Variants in CAST observed in about 807,000 individuals in gnomAD.
The protein encoded by CAST is MIR583 host.
CAST carries 76 observed loss-of-function variants against 119.6 expected under a neutral mutation model. That is an observed-to-expected ratio of 0.64 (90% CI 0.53 to 0.77). The LOEUF is 0.77. CAST is among the 30% of genes least tolerant of loss of function. CAST has a pLI of 0.00. For synonymous variants in CAST, 319 were observed against 331.6 expected, an observed-to-expected ratio of 0.96 and a Z score of 0.41; for missense variants, 953 against 946.5, an observed-to-expected ratio of 1.01 and a Z score of -0.09.
At chr5:96,040,174 G>A in the CAST span, among the ~76,000 whole-genome samples, 1 of 152,116 alleles carries the variant, frequency 6.6e-6, no homozygotes, top group Non-Finnish European at 1.5e-5. Flanking sequence ...CTCTCTGTTT[G>A]TCTGTTATTG....
chr5:96,565,740 C>T (rs1175396049), intron 1 of CAST, among the ~76,000 whole-genome samples: 1 of 152,222 alleles, frequency 6.6e-6, no homozygotes, highest in East Asian at 1.9e-4. Flanking sequence ...AGGAGAAGAC[C>T]GTGAGGGGAA....
the CAST span, among the ~76,000 whole-genome samples, chr5:96,350,844 G>C: frequency 6.6e-6 from 1 of 152,054 alleles, no homozygotes; most frequent in African/African-American, 2.4e-5. Context: ...ACACAACTGC[G>C]TAATTATCAT....
At chr5:96,346,875 T>C in the CAST span, among the ~76,000 whole-genome samples, 1 of 152,100 alleles carries the variant, frequency 6.6e-6, no homozygotes, top group African/African-American at 2.4e-5. Context: ...GAATAGTAGG[T>C]GTGAATTGAG....
At chr5:96,047,037 C>T in the CAST span, among the ~76,000 whole-genome samples, 2 of 152,148 alleles carry the variant, frequency 1.3e-5, no homozygotes, top group African/African-American at 2.4e-5. Flanking sequence ...CACAGCCAAA[C>T]CATATCACAT....
chr5:96,592,746 A>G lies in CAST; in HGVS notation c.60+62866A>G, dbSNP rs546992931. On this transcript the variant is annotated intron_variant, in intron 1 of 11. Coordinates refer to the CAST transcript ENST00000505143. Reference sequence around the variant, plus strand: ...GTTTAAATTCCTTCATTTGGCACTTACATTTCTGTTTTATTTTCTTTTTTT... The same window carrying G: ...GTTTAAATTCCTTCATTTGGCACTTGCATTTCTGTTTTATTTTCTTTTTTT... Among the ~76,000 whole-genome samples the G allele has an allele frequency of 2.0e-5, 3 of 149,994 alleles. No individual in the cohort carries two copies. The South Asian group carries it at 6.4e-4, about 32-fold the overall frequency.
At chr5:95,974,340 T>C in the CAST span, among the ~76,000 whole-genome samples, 1 of 152,198 alleles carries the variant, frequency 6.6e-6, no homozygotes, top group East Asian at 1.9e-4. Context: ...GTTTGATTTC[T>C]AGTGCCTCAG....
intron 29 of CAST, chr5:96,768,275 G>C (rs1455194455): frequency 1.7e-5 from 7 of 424,016 alleles, no homozygotes; most frequent in Non-Finnish European, 4.4e-6. Context: ...TGTAGAGAGG[G>C]GGTTTCGCCA....
At chr5:96,652,746 A>G (rs1046326823) in intron 1 of CAST, among the ~76,000 whole-genome samples, 15 of 152,254 alleles carry the variant, frequency 9.9e-5, no homozygotes, top group Admixed American at 5.2e-4. Context: ...AATGCAAAAT[A>G]TAAGATGTGA....
rs372502179 is a variant in CAST at position 96,619,209 on chromosome 5, G to T, written c.61-56330G>T. 5.7e-4 allele frequency among the ~76,000 whole-genome samples: 85 copies of T among 150,156 alleles called. 1 individual carries two copies. The South Asian group carries it at 0.018, about 32-fold the overall frequency. ...AATCAGCACTCTGTATCTACCTAAGGGTTTGTAAACGCACCAATCAGTGCT... is the reference window on the plus strand; with the variant it reads ...AATCAGCACTCTGTATCTACCTAAGTGTTTGTAAACGCACCAATCAGTGCT... On this transcript the variant is annotated intron_variant, in intron 1 of 11. Transcript: ENST00000505143.
the CAST span, among the ~76,000 whole-genome samples, chr5:96,254,206 T>C: frequency 5.1e-4 from 77 of 152,120 alleles, no homozygotes; most frequent in Non-Finnish European, 9.0e-4. Context: ...CCCAGTTGCT[T>C]CATGGAAATA....
chr5:96,465,372 T>C, the CAST span, among the ~76,000 whole-genome samples: 1 of 152,112 alleles, frequency 6.6e-6, no homozygotes, highest in African/African-American at 2.4e-5. Context: ...GGCTCTTTAT[T>C]TTTTATTCTT....
chr5:96,124,682 G>C, the CAST span, among the ~76,000 whole-genome samples: 16 of 152,024 alleles, frequency 1.1e-4, no homozygotes, highest in Non-Finnish European at 1.9e-4. Context: ...TTCTTACATA[G>C]TTATTTACTT....
the CAST span, among the ~76,000 whole-genome samples, chr5:96,469,000 C>T: frequency 3.9e-5 from 6 of 152,022 alleles, no homozygotes; most frequent in Non-Finnish European, 7.4e-5. Flanking sequence ...CAGTTACTGA[C>T]TTAAATAAAC....
chr5:96,168,694 G>A, the CAST span, among the ~76,000 whole-genome samples: 1 of 152,126 alleles, frequency 6.6e-6, no homozygotes, highest in Non-Finnish European at 1.5e-5. Flanking sequence ...GGGAAATGGG[G>A]TGAATGTCAG....
chr5:96,704,335 G>C (rs941528591), intron 3 of CAST, among the ~76,000 whole-genome samples: 2 of 152,116 alleles, frequency 1.3e-5, no homozygotes, highest in African/African-American at 4.8e-5. Context: ...TTATTCTCTG[G>C]CAGAATTGAC....
At chr5:96,154,322 A>G in the CAST span, among the ~76,000 whole-genome samples, 7 of 152,084 alleles carry the variant, frequency 4.6e-5, no homozygotes, top group Non-Finnish European at 1.0e-4. Flanking sequence ...ATAATGAATG[A>G]ATATTGTGAT....
chr5:96,555,681 G>T (rs368926581), intron 1 of CAST, among the ~76,000 whole-genome samples: 91 of 152,302 alleles, frequency 6.0e-4, no homozygotes, highest in African/African-American at 2.1e-3. Context: ...CTGACGGAGG[G>T]GTGCCCGCCA....
chr5:96,097,061 G>A, the CAST span, among the ~76,000 whole-genome samples: 191 of 152,294 alleles, frequency 1.3e-3, no homozygotes, highest in African/African-American at 4.5e-3. Flanking sequence ...CCAGGAATAT[G>A]TCTTAAAAGC....
the CAST span, among the ~76,000 whole-genome samples, chr5:96,004,671 T>C: frequency 6.6e-5 from 10 of 152,300 alleles, no homozygotes; most frequent in African/African-American, 2.4e-4. Flanking sequence ...CCATTAGAGT[T>C]GATGATTGGG....
Sources: gnomAD v4.1 joint callset for allele counts (sites outside exome capture counted in the v4.1 genomes callset) on GRCh38, gnomAD v4.1.1 for gene constraint, MANE v1.5 for transcripts, NCBI Gene and HGNC (gene_info 2026-07-23, HGNC 2026-07-21) for gene names.